GALC: variants seen among roughly 807,000 people sequenced by gnomAD.
GALC encodes galactosylceramidase.
Under a neutral mutation model 91.8 loss-of-function variants are expected in GALC, and 77 were observed. The ratio of observed to expected loss-of-function variants is 0.84; its 90% CI spans 0.70 to 1.01. GALC has a LOEUF of 1.01. Ranked by LOEUF, GALC falls within the 50% of genes least tolerant of loss-of-function variation. The pLI is 0.00. For synonymous variants in GALC, 357 were observed against 306.7 expected (o/e 1.16, Z -1.71); for missense variants, 882 against 855.9 (o/e 1.03, Z -0.38).
chr14:87,970,959 T>C (rs2140006512), intron 7 of GALC, among the ~76,000 whole-genome samples: 1 of 152,200 alleles, frequency 6.6e-6, no homozygotes, highest in East Asian at 1.9e-4. Context: ...AGCATTATTT[T>C]TCAAACTTCA....
intron 10 of GALC, among the ~76,000 whole-genome samples, chr14:87,959,251 C>G (rs1885695443): frequency 6.6e-6 from 1 of 152,034 alleles, no homozygotes; most frequent in African/African-American, 2.4e-5. Context: ...CAGGGAAATG[C>G]AAATCAAAAC....
intron 16 of GALC, among the ~76,000 whole-genome samples, chr14:87,938,016 T>A (rs867401488): frequency 6.6e-6 from 1 of 152,020 alleles, no homozygotes; most frequent in African/African-American, 2.4e-5. Flanking sequence ...AGTTTGTTTT[T>A]TAAAAGTCAA....
rs1047199347 is a variant in GALC, at chr14:87,952,279, A to C, written c.1162-1531T>G. ...AAGAGAAAACATACACTTCAACAAT[A>C]AGAAAGGTGACATTACTAGAGATTA... is the stretch of plus-strand genomic sequence containing the variant. On this transcript the variant is annotated intron_variant, in intron 10 of 16. Coordinates refer to ENST00000261304, the MANE Select transcript of GALC (RefSeq NM_000153.4). 2.6e-5 allele frequency among the ~76,000 whole-genome samples: 4 copies of C among 151,926 alleles called. 1 individual carries two copies. Among genetic ancestry groups the C allele is most frequent in the African/African-American group, 9.7e-5 (4 of 41,418 alleles).
chr14:87,972,391 T>G (rs1342156713), intron 7 of GALC, among the ~76,000 whole-genome samples: 1 of 152,156 alleles, frequency 6.6e-6, no homozygotes, highest in Non-Finnish European at 1.5e-5. Flanking sequence ...GCTTAATTAT[T>G]GGAAAGATTT....
At chr14:87,952,828 G>A in intron 10 of GALC, 3 of 1,370,698 alleles carry the variant, frequency 2.2e-6, no homozygotes, top group Admixed American at 3.4e-5. Flanking sequence ...TCTAGACTGA[G>A]TGAGGTAACG....
intron 11 of GALC, 47 bp from the exon 12 acceptor site, chr14:87,949,978 C>T (rs760952748): frequency 3.2e-6 from 3 of 942,696 alleles, no homozygotes; most frequent in Non-Finnish European, 5.3e-6. Flanking sequence ...TCATCACATC[C>T]TCTTTGAGGA....
rs1441606606 is a variant in GALC at position 87,934,206 on chromosome 14, A to T, written c.*526T>A. On this transcript the variant is annotated 3_prime_UTR_variant, in exon 17 of 17. Coordinates refer to ENST00000261304, the MANE Select transcript of GALC (RefSeq NM_000153.4). ...AAAGTATCATCTTAAAAAGGAAAAT[A>T]AAAAAATACTTTTTAGAGCATAAAG... The T allele has an allele frequency of 2.9e-6, 4 of 1,395,674 alleles. No homozygotes were observed. The highest frequency in any genetic ancestry group is 2.6e-5 in the East Asian group (1 of 38,622). 86.5% of individuals were successfully genotyped at this position (1,395,674 alleles called of 1,614,324 possible). A position where few individuals can be genotyped will look rare whatever the true frequency, so the allele number is the denominator to read the frequency against.
chr14:87,942,467 T>A (rs1283597057), intron 14 of GALC, among the ~76,000 whole-genome samples: 2 of 151,906 alleles, frequency 1.3e-5, no homozygotes, highest in Non-Finnish European at 2.9e-5. Flanking sequence ...GTACAACACT[T>A]TCCTTCTGGA....
chr14:87,968,180 A>T (rs985882710), intron 8 of GALC, among the ~76,000 whole-genome samples, 155 bp downstream of exon 8: 1 of 152,218 alleles, frequency 6.6e-6, no homozygotes, highest in African/African-American at 2.4e-5. Context: ...TTAGATATAG[A>T]TTAGGTATAG....
intron 16 of GALC, among the ~76,000 whole-genome samples, chr14:87,935,647 T>C (rs1884540281): frequency 6.6e-6 from 1 of 152,064 alleles, no homozygotes; most frequent in South Asian, 2.1e-4. Context: ...TTTATGATAG[T>C]ACATTTATGA....
At chr14:87,956,547 TA>T (rs1352784413) in intron 10 of GALC, among the ~76,000 whole-genome samples, 4 of 151,172 alleles carry the variant, frequency 2.6e-5, no homozygotes, top group Non-Finnish European at 4.4e-5. Context: ...ACACCATATA[TA>T]TATACACGCA....
chr14:87,975,395 T>TAA (rs1555382733), intron 7 of GALC, among the ~76,000 whole-genome samples: 2 of 152,114 alleles, frequency 1.3e-5, no homozygotes, highest in Non-Finnish European at 2.9e-5. Context: ...AAGATAATAA[T>TAA]GGATATTTAA....
intron 10 of GALC, among the ~76,000 whole-genome samples, chr14:87,958,980 T>C (rs1885680680): frequency 1.3e-5 from 2 of 151,524 alleles, no homozygotes; most frequent in Non-Finnish European, 2.9e-5. Flanking sequence ...AACGCAAAAA[T>C]AGACAAAGGG....
chr14:87,947,709 T>C lies in GALC; in HGVS notation c.1489+19A>G. Reference sequence around the variant, plus strand: ...GTTAAATATAGAGACCAAGTTAAGTTTTAGTGAAAAATACTCACCAACATT... The same window carrying C: ...GTTAAATATAGAGACCAAGTTAAGTCTTAGTGAAAAATACTCACCAACATT... On this transcript the variant is annotated intron_variant, in intron 13 of 16. Transcript: ENST00000261304. 3.1e-6 allele frequency: 5 copies of C among 1,609,048 alleles called. No homozygotes were observed. Among genetic ancestry groups the C allele is most frequent in the Non-Finnish European group, 4.3e-6 (5 of 1,175,866 alleles).
intron 10 of GALC, chr14:87,952,832 G>C: frequency 7.5e-7 from 1 of 1,327,746 alleles, no homozygotes; most frequent in East Asian, 2.3e-5. Context: ...GACTGAGTGA[G>C]GTAACGAGCT....
rs777813137 is a variant in GALC, at chr14:87,968,354, T to C, written c.889A>G (p.Ile297Val). Residue 297 changes from isoleucine to valine, a missense_variant, in exon 8 of 17, where the codon ATC becomes GTC. By Grantham distance (29) the Ile-to-Val change is conservative. Coordinates refer to ENST00000261304, the MANE Select transcript of GALC (RefSeq NM_000153.4). ...CWGRILNQNYINGYMTSTIAW... is the reference protein window; with the variant it reads ...CWGRILNQNYVNGYMTSTIAW... ...ACTTACGAAGTCATATAGCCATTGA[T>C]ATAATTCTGATTTAAAATGCGACCC... 6 of 1,613,434 alleles carry C rather than the reference T, an allele frequency of 3.7e-6. No individual in the cohort carries two copies. The Admixed American group carries it at 6.7e-5, about 18-fold the overall frequency.
rs1004421140 is a variant in GALC at position 87,992,167 on chromosome 14, T to C, written c.195+803A>G. On this transcript the variant is annotated intron_variant, in intron 1 of 16. Coordinates refer to ENST00000261304, the MANE Select transcript of GALC (RefSeq NM_000153.4). ...CATCCTTGCAGCAGGCATTCAAGCT[T>C]GTTCTGAGTTGAATGTAAGGATGCA... 36 of 896,076 alleles carry C rather than the reference T, an allele frequency of 4.0e-5. 1 individual carries two copies. The highest frequency in any genetic ancestry group is 6.4e-5 in the Admixed American group (3 of 46,940). The allele number at this position is 896,076 out of a possible 1,614,324, so 55.5% of individuals were successfully genotyped here. A position where few individuals can be genotyped will look rare whatever the true frequency, so the allele number is the denominator to read the frequency against.
rs890365386 is a variant in GALC at position 87,952,818 on chromosome 14, T to C, written c.1162-2070A>G. 2.8e-6 allele frequency: 4 copies of C among 1,428,980 alleles called. No homozygotes were observed. In the African/African-American group the frequency reaches 5.6e-5, roughly 20 times the overall value. The allele number at this position is 1,428,980 out of a possible 1,614,324, so 88.5% of individuals were successfully genotyped here. On this transcript the variant is annotated intron_variant, in intron 10 of 16. Coordinates refer to ENST00000261304, the MANE Select transcript of GALC (RefSeq NM_000153.4). ...TATAGAATCCCAGAAGATTCACTCC[T>C]CTAGACTGAGTGAGGTAACGAGCTC...
Position 87,954,429 on chromosome 14 carries a change from C to A in GALC, c.1162-3681G>T, listed in dbSNP as rs991105006. On this transcript the variant is annotated intron_variant, in intron 10 of 16. Coordinates refer to ENST00000261304, the MANE Select transcript of GALC (RefSeq NM_000153.4). ...TGGAGTCCTGGAGCAGCCTGGTACC[C>A]TCAACTGCAAAGGAAAAAAGGTTAT... is the stretch of plus-strand genomic sequence containing the variant. 2.0e-5 allele frequency: 32 copies of A among 1,592,910 alleles called. No individual in the cohort carries two copies. The African/African-American group carries it at 3.9e-4, about 19-fold the overall frequency.
Sources: gnomAD v4.1 joint callset for allele counts (sites outside exome capture counted in the v4.1 genomes callset) on GRCh38, gnomAD v4.1.1 for gene constraint, MANE v1.5 for transcripts, NCBI Gene and HGNC (gene_info 2026-07-23, HGNC 2026-07-21) for gene names.